The following RARB variants were observed in gnomAD, a reference collection of about 807,000 sequenced individuals.
RARB encodes HBV-activated protein.
In RARB, 17 loss-of-function variants were observed where a neutral mutation model predicts 51.9. The observed-to-expected ratio is 0.33, with a 90% CI of 0.22 to 0.49. The LOEUF is 0.49. RARB is among the 20% of genes least tolerant of loss of function. The pLI is 0.99. For missense variants in RARB, 369 were observed against 550.8 expected (o/e 0.67, Z 3.30); for synonymous variants, 215 against 195.4 (o/e 1.10, Z -0.84).
intron 5 of RARB, among the ~76,000 whole-genome samples, chr3:25,359,522 G>A (rs192850406): frequency 1.3e-5 from 2 of 152,148 alleles, no homozygotes; most frequent in African/African-American, 2.4e-5. Flanking sequence ...GCTAGCTTTT[G>A]AATGTGTTTG....
chr3:25,199,807 C>A (rs181117254), intron 5 of RARB, among the ~76,000 whole-genome samples: 2,973 of 152,074 alleles, frequency 0.02, 43 homozygotes, highest in Middle Eastern at 0.044. Context: ...AGTATTCCAC[C>A]GTGTATATGT....
At chr3:25,594,869 C>T (rs184177307) in intron 7 of RARB, among the ~76,000 whole-genome samples, 191 bp downstream of exon 7, 1 of 151,372 alleles carries the variant, frequency 6.6e-6, no homozygotes, top group Admixed American at 6.6e-5. Flanking sequence ...TCAAATCTTA[C>T]CCTATTCAAT....
chr3:25,460,336 A>G (rs1363091434), intron 1 of RARB, among the ~76,000 whole-genome samples: 2 of 152,182 alleles, frequency 1.3e-5, no homozygotes, highest in Non-Finnish European at 2.9e-5. Context: ...AAGATCAGTT[A>G]TGGCTGCATC....
chr3:24,954,223 A>G (rs1431845849), intron 2 of RARB, among the ~76,000 whole-genome samples: 2 of 152,206 alleles, frequency 1.3e-5, no homozygotes, highest in Non-Finnish European at 1.5e-5. Context: ...CAGCAAATAC[A>G]TATACATGTT....
intron 2 of RARB, among the ~76,000 whole-genome samples, chr3:24,869,971 T>C (rs1222494350): frequency 1.3e-5 from 2 of 152,084 alleles, no homozygotes; most frequent in African/African-American, 4.8e-5. Context: ...TTAGTTTTAG[T>C]TGGTATTTAC....
intron 1 of RARB, among the ~76,000 whole-genome samples, chr3:25,437,236 G>A (rs536348455): frequency 1.3e-4 from 19 of 150,670 alleles, no homozygotes; most frequent in African/African-American, 4.4e-4. Flanking sequence ...AGGTAGCACT[G>A]TGCCCTGATT....
At chr3:25,173,474 A>T (rs1700681739) in intron 4 of RARB, among the ~76,000 whole-genome samples, 1 of 152,172 alleles carries the variant, frequency 6.6e-6, no homozygotes, top group African/African-American at 2.4e-5. Context: ...TGTTGATAAT[A>T]AAGAAGTGAT....
intron 3 of RARB, among the ~76,000 whole-genome samples, chr3:25,503,422 G>A (rs1697412322): frequency 6.6e-6 from 1 of 152,090 alleles, no homozygotes; most frequent in African/African-American, 2.4e-5. Context: ...CAGTACTTTT[G>A]CATTATTTTG....
At chr3:25,546,657 T>C (rs1037938290) in intron 3 of RARB, among the ~76,000 whole-genome samples, 8 of 151,846 alleles carry the variant, frequency 5.3e-5, no homozygotes. Context: ...TTAACAATAA[T>C]CAAAGCAACA....
intron 2 of RARB, among the ~76,000 whole-genome samples, chr3:24,905,791 C>T (rs1694850034): frequency 6.6e-6 from 1 of 152,144 alleles, no homozygotes; most frequent in Admixed American, 6.6e-5. Context: ...GTTTGTCAGA[C>T]ATCCTATATT....
chr3:24,925,654 T>TAA (rs1271473851), intron 2 of RARB, among the ~76,000 whole-genome samples: 78 of 126,138 alleles, frequency 6.2e-4, no homozygotes, highest in Middle Eastern at 8.3e-3. Context: ...TTTTTTTTTT[T>TAA]TAAAAAAAAA....
intron 2 of RARB, among the ~76,000 whole-genome samples, chr3:25,465,395 C>CTA (rs1223375933): frequency 6.6e-6 from 1 of 152,210 alleles, no homozygotes; most frequent in Non-Finnish European, 1.5e-5. Context: ...TCAAAGTTTA[C>CTA]TACTGTAAGC....
chr3:24,842,599 C>T (rs1056137627), intron 1 of RARB, among the ~76,000 whole-genome samples: 1 of 152,132 alleles, frequency 6.6e-6, no homozygotes, highest in African/African-American at 2.4e-5. Flanking sequence ...TAATAGTCCT[C>T]TTGAGAAATC....
chr3:25,053,928 T>A (rs1334461873), intron 2 of RARB, among the ~76,000 whole-genome samples: 1 of 152,126 alleles, frequency 6.6e-6, no homozygotes, highest in Non-Finnish European at 1.5e-5. Context: ...AAGGAACATA[T>A]GAAATCACAG....
At chr3:24,844,341 T>C (rs927110451) in intron 1 of RARB, among the ~76,000 whole-genome samples, 7 of 152,238 alleles carry the variant, frequency 4.6e-5, no homozygotes, top group Non-Finnish European at 7.3e-5. Context: ...TGGGAACAGT[T>C]TTCTCTTGGT....
At chr3:24,871,009 C>T (rs1702936658) in intron 2 of RARB, among the ~76,000 whole-genome samples, 1 of 152,028 alleles carries the variant, frequency 6.6e-6, no homozygotes, top group South Asian at 2.1e-4. Context: ...TGAACCTCCT[C>T]ATTCCCTTTC....
At chr3:24,984,750 G>A (rs1330857520) in intron 2 of RARB, among the ~76,000 whole-genome samples, 8 of 91,016 alleles carry the variant, frequency 8.8e-5, no homozygotes, top group Admixed American at 5.2e-4. Flanking sequence ...GATGTTATAT[G>A]CACAAAAAAG....
chr3:24,855,700 C>A (rs1702621937), intron 1 of RARB, among the ~76,000 whole-genome samples: 1 of 150,548 alleles, frequency 6.6e-6, no homozygotes, highest in South Asian at 2.1e-4. Context: ...CCTACCACAG[C>A]AGATTTTCGG....
chr3:25,082,191 G>T (rs1699019738), intron 3 of RARB, among the ~76,000 whole-genome samples: 2 of 152,084 alleles, frequency 1.3e-5, no homozygotes, highest in South Asian at 4.2e-4. Flanking sequence ...GAGTGTAGAA[G>T]TGGAACTTAC....
Sources: gnomAD v4.1 joint callset for allele counts (sites outside exome capture counted in the v4.1 genomes callset) on GRCh38, gnomAD v4.1.1 for gene constraint, MANE v1.5 for transcripts, NCBI Gene and HGNC (gene_info 2026-07-23, HGNC 2026-07-21) for gene names.